Variants in NETO1 observed in about 807,000 individuals in gnomAD.
NETO1 encodes neuropilin and tolloid like 1, also known as neuropilin and tolloid-like protein 1.
NETO1 carries 26 observed loss-of-function variants against 61.3 expected under a neutral mutation model. The observed-to-expected ratio is 0.42, with a 90% CI of 0.31 to 0.59. The LOEUF (loss-of-function observed/expected upper bound fraction) is 0.59, where lower values mean the gene tolerates loss of function less well. Among genes scored for constraint, NETO1 ranks in the 20% least tolerant of loss-of-function variants. The pLI is 0.12. For missense variants in NETO1, 531 were observed against 662.8 expected (o/e 0.80, Z 2.18); for synonymous variants, 225 against 225.8 (o/e 1.00, Z 0.03).
At chr18:72,789,306 A>G (rs2072035915) in intron 6 of NETO1, among the ~76,000 whole-genome samples, 7 of 151,858 alleles carry the variant, frequency 4.6e-5, no homozygotes, top group Admixed American at 4.6e-4. Flanking sequence ...GGCATATATA[A>G]ACAAGTACCA....
intron 6 of NETO1, among the ~76,000 whole-genome samples, chr18:72,785,263 T>C (rs1402239024): frequency 1.3e-5 from 2 of 152,170 alleles, no homozygotes; most frequent in African/African-American, 4.8e-5. Context: ...ATCCAGTACG[T>C]CTATCCTAAA....
intron 4 of NETO1, among the ~76,000 whole-genome samples, chr18:72,823,162 T>C (rs2073258567): frequency 6.6e-6 from 1 of 152,208 alleles, no homozygotes; most frequent in Admixed American, 6.5e-5. Context: ...TATTGGCTGT[T>C]TTCCGTATTC....
chr18:72,847,170 C>G (rs1203579818), intron 4 of NETO1, among the ~76,000 whole-genome samples: 1 of 152,216 alleles, frequency 6.6e-6, no homozygotes, highest in Non-Finnish European at 1.5e-5. Flanking sequence ...AGAGAAGTGA[C>G]ATATTTATGA....
intron 8 of NETO1, among the ~76,000 whole-genome samples, chr18:72,755,601 G>C (rs1204658217): frequency 6.6e-6 from 1 of 152,080 alleles, no homozygotes; most frequent in Non-Finnish European, 1.5e-5. Flanking sequence ...GAGTGAAGTA[G>C]CTGGAAGTAA....
chr18:72,820,058 A>G (rs1342392712), intron 4 of NETO1, among the ~76,000 whole-genome samples: 4 of 152,176 alleles, frequency 2.6e-5, no homozygotes, highest in Non-Finnish European at 5.9e-5. Flanking sequence ...TTGCTTTTGT[A>G]CCTAAAAGAA....
chr18:72,826,364 G>GTA (rs2073373666), intron 4 of NETO1, among the ~76,000 whole-genome samples: 1 of 152,022 alleles, frequency 6.6e-6, no homozygotes, highest in Non-Finnish European at 1.5e-5. Flanking sequence ...CCTCCTACAT[G>GTA]TGTGTCTGTA....
intron 6 of NETO1, among the ~76,000 whole-genome samples, chr18:72,784,969 G>A (rs1259232311): frequency 6.6e-6 from 1 of 152,184 alleles, no homozygotes; most frequent in East Asian, 1.9e-4. Context: ...ATGTCAAAGA[G>A]TGGAAATTAT....
chr18:72,793,867 C>A (rs747572462), intron 6 of NETO1, among the ~76,000 whole-genome samples: 1 of 152,186 alleles, frequency 6.6e-6, no homozygotes, highest in Non-Finnish European at 1.5e-5. Flanking sequence ...GAGAGGTCGA[C>A]TTACCTTAAA....
intron 4 of NETO1, among the ~76,000 whole-genome samples, chr18:72,833,750 C>G (rs2073654549): frequency 6.6e-6 from 1 of 152,120 alleles, no homozygotes; most frequent in Non-Finnish European, 1.5e-5. Context: ...CGCTGACTTT[C>G]AAAAACTGAA....
chr18:72,783,762 T>G lies in NETO1; in HGVS notation c.784A>C (p.Thr262Pro), dbSNP rs774404833. Reference protein sequence around the residue: ...STVANDVMLRTGLGVIRMWAD... With the variant: ...STVANDVMLRPGLGVIRMWAD... ...CACATGCGGATCACCCCAAGACCCG[T>G]GCGTAGCATGACATCATTAGCCACA... Residue 262 changes from threonine (T) to proline (P), a missense_variant, in exon 7 of 11, where the codon ACG (threonine) becomes CCG (proline). Thr to Pro is a conservative substitution (Grantham distance 38, BLOSUM62 -1). Transcript: ENST00000327305. The G allele has an allele frequency of 6.2e-7, 1 of 1,614,188 alleles. No homozygotes were observed.
At chr18:72,813,688 A>G (rs901098222) in intron 4 of NETO1, among the ~76,000 whole-genome samples, 1 of 152,168 alleles carries the variant, frequency 6.6e-6, no homozygotes, top group African/African-American at 2.4e-5. Context: ...CAGATTTAAT[A>G]AGACTATAAA....
intron 2 of NETO1, 25 bp from the exon 3 acceptor site, chr18:72,864,970 A>G: frequency 6.4e-7 from 1 of 1,571,034 alleles, no homozygotes; most frequent in South Asian, 1.2e-5. Context: ...AAAAAGTTTT[A>G]AAAAGAGCCA....
At chr18:72,774,515 TATA>T in intron 7 of NETO1, among the ~76,000 whole-genome samples, 1 of 152,302 alleles carries the variant, frequency 6.6e-6, no homozygotes, top group South Asian at 2.1e-4. Flanking sequence ...AGTATAAAGC[TATA>T]ATAATATAAG....
At chr18:72,852,167 C>T (rs1209682070) in intron 4 of NETO1, among the ~76,000 whole-genome samples, 1 of 152,150 alleles carries the variant, frequency 6.6e-6, no homozygotes, top group Non-Finnish European at 1.5e-5. Context: ...TCCACCTCTC[C>T]AGGAAACAAG....
At chr18:72,801,783 A>G (rs781471757) in intron 4 of NETO1, among the ~76,000 whole-genome samples, 1 of 152,224 alleles carries the variant, frequency 6.6e-6, no homozygotes, top group Non-Finnish European at 1.5e-5. Flanking sequence ...ATCTAGATAT[A>G]TAACAATTAT....
At chr18:72,790,478 G>T (rs551375392) in intron 6 of NETO1, among the ~76,000 whole-genome samples, 1 of 152,136 alleles carries the variant, frequency 6.6e-6, no homozygotes, top group South Asian at 2.1e-4. Flanking sequence ...CCAAATATTT[G>T]GGCAAGTCAC....
intron 4 of NETO1, among the ~76,000 whole-genome samples, chr18:72,841,015 A>T (rs1254523471): frequency 6.6e-6 from 1 of 152,176 alleles, no homozygotes; most frequent in Non-Finnish European, 1.5e-5. Context: ...CACAAGCCTC[A>T]AGAACAACAG....
At chr18:72,749,434 C>T (rs2070517713) in intron 9 of NETO1, among the ~76,000 whole-genome samples, 1 of 151,990 alleles carries the variant, frequency 6.6e-6, no homozygotes, top group South Asian at 2.1e-4. Context: ...GATAATATTG[C>T]ATTTATAGTT....
chr18:72,863,315 C>T (rs184925858), intron 3 of NETO1, among the ~76,000 whole-genome samples: 4 of 152,274 alleles, frequency 2.6e-5, no homozygotes, highest in Admixed American at 6.5e-5. Flanking sequence ...TAATGCCTTC[C>T]CTGGACATTC....
Sources: allele counts gnomAD v4.1 joint callset (sites outside exome capture counted in the v4.1 genomes callset), GRCh38; gene constraint gnomAD v4.1.1; transcripts MANE v1.5; gene names NCBI Gene and HGNC (gene_info 2026-07-23, HGNC 2026-07-21).